ACVR2A: variants seen among roughly 807,000 people sequenced by gnomAD.
ACVR2A encodes the protein activin A receptor type 2A.
In ACVR2A, 7 loss-of-function variants were observed where a neutral mutation model predicts 61.4. The ratio of observed to expected loss-of-function variants is 0.11; its 90% CI spans 0.06 to 0.21. ACVR2A has a LOEUF of 0.21. Among genes scored for constraint, ACVR2A ranks in the 10% least tolerant of loss-of-function variants. The pLI, the probability that ACVR2A is intolerant of heterozygous loss-of-function variation, is 1.00. For synonymous variants in ACVR2A, 193 were observed against 208.3 expected (o/e 0.93, Z 0.63); for missense variants, 322 against 621.7 (o/e 0.52, Z 5.13).
intron 1 of ACVR2A, among the ~76,000 whole-genome samples, chr2:147,884,539 AG>A (rs1466376086): frequency 6.6e-6 from 1 of 152,162 alleles, no homozygotes; most frequent in Non-Finnish European, 1.5e-5. Flanking sequence ...GATAATTAGC[AG>A]TGAAGTGAAG....
At chr2:147,896,596 T>A (rs1573689023) in intron 2 of ACVR2A, 88 bp downstream of exon 2, 1 of 1,282,104 alleles carries the variant, frequency 7.8e-7, no homozygotes, top group East Asian at 2.4e-5. Context: ...GTGCATAAAT[T>A]TTCACTTAAA....
At chr2:147,901,362 TA>T (rs1215740236) in intron 4 of ACVR2A, among the ~76,000 whole-genome samples, 1 of 151,996 alleles carries the variant, frequency 6.6e-6, no homozygotes, top group African/African-American at 2.4e-5. Flanking sequence ...GGAGGAGTTT[TA>T]AAATGTAATC....
At chr2:147,911,659 G>T (rs1186883047) in intron 4 of ACVR2A, among the ~76,000 whole-genome samples, 1 of 151,888 alleles carries the variant, frequency 6.6e-6, no homozygotes, top group Non-Finnish European at 1.5e-5. Flanking sequence ...CTGCTTTACT[G>T]TGCATCCTCT....
intron 1 of ACVR2A, 35 bp downstream of exon 1, chr2:147,845,242 C>G: frequency 6.2e-7 from 1 of 1,600,722 alleles, no homozygotes; most frequent in Non-Finnish European, 8.5e-7. Context: ...TGGGGCTGCT[C>G]CTGCGGCCGC....
chr2:147,854,319 G>A (rs1182863409), intron 1 of ACVR2A, among the ~76,000 whole-genome samples: 1 of 152,172 alleles, frequency 6.6e-6, no homozygotes, highest in Non-Finnish European at 1.5e-5. Flanking sequence ...CTATTTATTA[G>A]TGGGAATTTA....
intron 1 of ACVR2A, among the ~76,000 whole-genome samples, chr2:147,871,117 C>T (rs1018341798): frequency 6.6e-6 from 1 of 151,970 alleles, no homozygotes; most frequent in African/African-American, 2.4e-5. Context: ...CATTTAGATA[C>T]GGTTATTGTT....
At chr2:147,876,062 A>C (rs964895734) in intron 1 of ACVR2A, among the ~76,000 whole-genome samples, 1 of 152,116 alleles carries the variant, frequency 6.6e-6, no homozygotes, top group African/African-American at 2.4e-5. Flanking sequence ...CATTAAGAAA[A>C]ACTATTGAGC....
intron 1 of ACVR2A, among the ~76,000 whole-genome samples, chr2:147,875,072 T>C (rs911557225): frequency 3.3e-5 from 5 of 152,052 alleles, no homozygotes; most frequent in Admixed American, 2.6e-4. Flanking sequence ...AGCGGGATTA[T>C]AGACGTTCAA....
intron 5 of ACVR2A, among the ~76,000 whole-genome samples, chr2:147,916,645 A>G (rs529659117): frequency 6.6e-6 from 1 of 152,054 alleles, no homozygotes; most frequent in East Asian, 1.9e-4. Flanking sequence ...TCTAACCATT[A>G]TGCCATAGTG....
In ACVR2A at chr2:147,928,088, G is replaced by A. The variant is rs1687549102; in HGVS notation, c.*814G>A. ...AAGTGCTGTTTTTTGAAAAGATGGT[G>A]TCATTTCCCCCTTCTTCCCATGTTT... is the stretch of plus-strand genomic sequence containing the variant. On this transcript the variant is annotated 3_prime_UTR_variant, in exon 11 of 11. Coordinates refer to ENST00000241416, the MANE Select transcript of ACVR2A (RefSeq NM_001616.5). 1 of 152,184 alleles carries A rather than the reference G, an allele frequency of 6.6e-6. No individual in the cohort carries two copies. Among genetic ancestry groups the A allele is most frequent in the Middle Eastern group, 3.2e-3 (1 of 316 alleles). The allele number at this position is 152,184 out of a possible 1,614,324, so 9.4% of individuals were successfully genotyped here.
intron 2 of ACVR2A, 138 bp downstream of exon 2, chr2:147,896,646 T>C: frequency 1.4e-6 from 1 of 711,552 alleles, no homozygotes; most frequent in Admixed American, 2.7e-5. Context: ...TAAAGAACAT[T>C]ATAACATGCT....
intron 1 of ACVR2A, among the ~76,000 whole-genome samples, chr2:147,885,187 A>G (rs887065909): frequency 1.3e-5 from 2 of 152,264 alleles, no homozygotes; most frequent in Middle Eastern, 3.4e-3. Flanking sequence ...TCATCTGCAT[A>G]TGTCCAGTAT....
chr2:147,849,094 A>G (rs1205727334), intron 1 of ACVR2A, among the ~76,000 whole-genome samples: 2 of 152,156 alleles, frequency 1.3e-5, no homozygotes, highest in African/African-American at 4.8e-5. Flanking sequence ...ATAATATTTT[A>G]TACTATAATA....
intron 1 of ACVR2A, among the ~76,000 whole-genome samples, chr2:147,858,553 CTTGT>C (rs1304595682): frequency 6.6e-6 from 1 of 152,020 alleles, no homozygotes; most frequent in Non-Finnish European, 1.5e-5. Context: ...CTTTTTTTCA[CTTGT>C]TTGTCTTCCA....
At chr2:147,914,513 A>G (rs921243246) in intron 4 of ACVR2A, among the ~76,000 whole-genome samples, 17 of 152,030 alleles carry the variant, frequency 1.1e-4, no homozygotes, top group South Asian at 6.2e-4. Context: ...CTGGATTTTT[A>G]TTCGTACTTC....
At chr2:147,873,469 A>G (rs1313176479) in intron 1 of ACVR2A, among the ~76,000 whole-genome samples, 1 of 151,940 alleles carries the variant, frequency 6.6e-6, no homozygotes, top group Non-Finnish European at 1.5e-5. Context: ...CATATTAGCC[A>G]CTTTTCTAGG....
intron 5 of ACVR2A, among the ~76,000 whole-genome samples, chr2:147,916,033 A>C (rs1219768284): frequency 6.6e-6 from 1 of 151,886 alleles, no homozygotes; most frequent in Non-Finnish European, 1.5e-5. Flanking sequence ...TTGGTGTTGC[A>C]GGCTCTACCA....
At chr2:147,896,178 A>G in intron 1 of ACVR2A, 123 bp from the exon 2 acceptor site, 1 of 823,534 alleles carries the variant, frequency 1.2e-6, no homozygotes, top group Non-Finnish European at 1.9e-6. Flanking sequence ...CTAAACCCAA[A>G]GTTATAAGTG....
At chr2:147,846,386 G>C (rs909003224) in intron 1 of ACVR2A, among the ~76,000 whole-genome samples, 2 of 151,114 alleles carry the variant, frequency 1.3e-5, no homozygotes, top group African/African-American at 4.9e-5. Context: ...TCTGTGGGGT[G>C]TGTGTGTGTG....
Sources: allele counts gnomAD v4.1 joint callset (sites outside exome capture counted in the v4.1 genomes callset), GRCh38; gene constraint gnomAD v4.1.1; transcripts MANE v1.5; gene names NCBI Gene and HGNC (gene_info 2026-07-23, HGNC 2026-07-21).